The following CATSPERG variants were observed in gnomAD, a reference collection of about 807,000 sequenced individuals.
CATSPERG encodes catsper channel auxiliary subunit gamma, also known as cation channel sperm-associated auxiliary subunit gamma.
CATSPERG carries 115 observed loss-of-function variants against 145.0 expected under a neutral mutation model. That is an observed-to-expected ratio of 0.79 (90% confidence interval 0.68 to 0.93). The LOEUF is 0.93. CATSPERG is among the 40% of genes least tolerant of loss of function. The probability of loss-of-function intolerance (pLI) is 0.00; values close to 1 mark genes in which losing one functional copy is unlikely to be tolerated. For synonymous variants in CATSPERG, 588 were observed against 589.0 expected (o/e 1.00, Z 0.02); for missense variants, 1,296 against 1,490.1 (o/e 0.87, Z 2.14).
Position 38,354,865 on chromosome 19 carries a change from T to C in CATSPERG, c.1135+18T>C, listed in dbSNP as rs766191968. ...CATCAGAGGTAAGGGTGTGGGCCTC[T>C]GTCAGCCCCAGGGACCCCTCCATAC... On this transcript the variant is annotated intron_variant, in intron 9 of 28. Transcript: ENST00000409235. The C allele has an allele frequency of 6.2e-7, 1 of 1,612,248 alleles. No individual in the cohort carries two copies. Among genetic ancestry groups the C allele is most frequent in the Non-Finnish European group, 8.5e-7 (1 of 1,179,180 alleles).
chr19:38,360,546 T>TGGCAGGTGCACA lies in CATSPERG; in HGVS notation c.1667_1678dup (p.His559_Ile560insArgGlnValHis). The TGGCAGGTGCACA allele has an allele frequency of 3.1e-6, 5 of 1,614,168 alleles. No homozygotes were observed. Among genetic ancestry groups the TGGCAGGTGCACA allele is most frequent in the Non-Finnish European group, 4.2e-6 (5 of 1,180,010 alleles). ...CTACCAGCTGTTCCCTTCCAAGGGC[T>TGGCAGGTGCACA]GGCAGGTGCACATCAGCTTAAAGCT... On this transcript the variant is annotated inframe_insertion, in exon 15 of 29. Coordinates refer to ENST00000409235, the MANE Select transcript of CATSPERG (RefSeq NM_021185.5).
In CATSPERG at chr19:38,354,854, G is replaced by T. The variant is rs761866824; in HGVS notation, c.1135+7G>T. 1 of 1,613,254 alleles carries T rather than the reference G, an allele frequency of 6.2e-7. No individual in the cohort carries two copies. The highest frequency in any genetic ancestry group is 1.3e-5 in the African/African-American group (1 of 75,010). On this transcript the variant is annotated splice_region_variant and intron_variant, in intron 9 of 28. Transcript: ENST00000409235. ...CACTTCGGGACCATCAGAGGTAAGG[G>T]TGTGGGCCTCTGTCAGCCCCAGGGA...
At chr19:38,360,941 G>A (rs918195183) in intron 16 of CATSPERG, 98 bp downstream of exon 16, 171 of 1,020,212 alleles carry the variant, frequency 1.7e-4, no homozygotes, top group Non-Finnish European at 2.3e-4. Flanking sequence ...GCTAACCCCA[G>A]TGAAAACCTC....
chr19:38,367,152 C>T lies in CATSPERG; in HGVS notation c.2614-4C>T, dbSNP rs201407515. ...CCCTGTGAGCCTTTTTTCCTCCCAC[C>T]GAGGGCAACCTGATGGTGCCAGTGT... On this transcript the variant is annotated splice_polypyrimidine_tract_variant and splice_region_variant and intron_variant, in intron 22 of 28. Transcript: ENST00000409235. 56 of 1,609,822 alleles carry T rather than the reference C, an allele frequency of 3.5e-5. No individual in the cohort carries two copies. Among genetic ancestry groups the T allele is most frequent in the East Asian group, 1.6e-4 (7 of 44,846 alleles).
At chr19:38,357,535 AGCCAG>A (rs1008700179) in intron 11 of CATSPERG, among the ~76,000 whole-genome samples, 19 of 151,312 alleles carry the variant, frequency 1.3e-4, no homozygotes, top group African/African-American at 3.6e-4. Context: ...AAAAGAGCAG[AGCCAG>A]GCGTGGTGGC....
rs758939170 is a variant in CATSPERG at position 38,359,542 on chromosome 19, G to A, written c.1569G>A (p.Ser523=). 5.0e-6 allele frequency: 8 copies of A among 1,613,702 alleles called. No individual in the cohort carries two copies. Among genetic ancestry groups the A allele is most frequent in the Middle Eastern group, 1.7e-4 (1 of 6,034 alleles). ...TGTCCATCAAATACATGGCCAGATC[G>A]TTCCGTGGGGCTGTGGCTATTGTCA... ...KELSIKYMAR[S]FRGAVAIVTE... is the part of the protein sequence containing the mutation. Residue 523 remains serine, a synonymous_variant, in exon 14 of 29, where the codon TCG becomes TCA. Coordinates refer to ENST00000409235, the MANE Select transcript of CATSPERG (RefSeq NM_021185.5).
rs775716856 is a variant in CATSPERG at position 38,362,672 on chromosome 19, G to C, written c.2357-42G>C. On this transcript the variant is annotated intron_variant, in intron 19 of 28. Transcript: ENST00000409235. ...GGACACCATCGGAGGGGCGGGGCCT[G>C]TCTGTGAGGGAGGCCTTAACCCCGT... The C allele has an allele frequency of 2.9e-5, 47 of 1,605,572 alleles. No individual in the cohort carries two copies. The Admixed American group carries it at 7.5e-4, about 26-fold the overall frequency.
chr19:38,366,793 C>T (rs556642523), intron 22 of CATSPERG: 9 of 204,330 alleles, frequency 4.4e-5, no homozygotes, highest in South Asian at 1.8e-4. Context: ...CTGGTTCAAG[C>T]GATTCTCCAG....
Position 38,367,742 on chromosome 19 carries a change from G to A in CATSPERG, c.2896G>A (p.Asp966Asn). Residue 966 changes from aspartate (D) to asparagine (N), a missense_variant, in exon 25 of 29, where the codon GAC (aspartate) becomes AAC (asparagine). By Grantham distance (23) the Asp-to-Asn change is conservative. Coordinates refer to ENST00000409235, the MANE Select transcript of CATSPERG (RefSeq NM_021185.5). ...GGACAGCCTCAAGGACTACAGTGAG[G>A]ACGAAATCTACCGCTTCAACAGCCC... ...TLDSLKDYSE[D>N]EIYRFNSPLD... The A allele has an allele frequency of 6.2e-7, 1 of 1,614,116 alleles. No homozygotes were observed. The highest frequency in any genetic ancestry group is 8.5e-7 in the Non-Finnish European group (1 of 1,180,004).
intron 3 of CATSPERG, 65 bp from the exon 4 acceptor site, chr19:38,343,515 G>C: frequency 7.0e-7 from 1 of 1,432,338 alleles, no homozygotes; most frequent in South Asian, 1.4e-5. Context: ...TTAGAGGCGG[G>C]CTTAAGGCAG....
At position 38,362,838 on chromosome 19, in the gene CATSPERG, G is replaced by C; in HGVS notation, c.2475+6G>C. ...GCAACTCGGTGCTATTTTCGGTGAG[G>C]CCCCCCGGGGAGTTGGGATCAAGGG... On this transcript the variant is annotated splice_donor_region_variant and intron_variant, in intron 20 of 28. Coordinates refer to ENST00000409235, the MANE Select transcript of CATSPERG (RefSeq NM_021185.5). 6.8e-7 allele frequency: 1 copy of C among 1,476,328 alleles called. No homozygotes were observed. The highest frequency in any genetic ancestry group is 9.5e-7 in the Non-Finnish European group (1 of 1,054,556). 91.5% of individuals were successfully genotyped at this position (1,476,328 alleles called of 1,614,324 possible). A position where few individuals can be genotyped will look rare whatever the true frequency, so the allele number is the denominator to read the frequency against.
At chr19:38,336,356 GGACGGGGCGACGGGCCC>G in intron 1 of CATSPERG, 1 of 369,368 alleles carries the variant, frequency 2.7e-6, no homozygotes, top group Non-Finnish European at 5.5e-6. Context: ...CCAGAGGGCG[GGACGGGGCGACGGGCCC>G]GCGCGGGAAG....
chr19:38,344,187 G>A, intron 5 of CATSPERG, 68 bp downstream of exon 5: 1 of 1,545,548 alleles, frequency 6.5e-7, no homozygotes, highest in East Asian at 2.4e-5. Context: ...GTCCCCAGAG[G>A]AGCCAGTGGG....
In CATSPERG at chr19:38,367,306, C is replaced by T. The variant is rs201823945; in HGVS notation, c.2764C>T (p.Arg922Trp). 45 of 1,611,118 alleles carry T rather than the reference C, an allele frequency of 2.8e-5. No individual in the cohort carries two copies. The East Asian group carries it at 4.9e-4, about 18-fold the overall frequency. The change falls in exon 23 of 29, where the codon CGG becomes TGG. Residue 922 changes from arginine (R) to tryptophan (W), a missense_variant. Coordinates refer to ENST00000409235, the MANE Select transcript of CATSPERG (RefSeq NM_021185.5). ...VNPEMPCFLF[R>W]DIFYPFFLIQ... is the part of the protein sequence containing the mutation. ...CCCGGAGATGCCCTGCTTTCTCTTC[C>T]GGGACAGTGTGTGTCCAGTCCCTTC...
At chr19:38,336,891 GT>G (rs754122807) in intron 1 of CATSPERG, 100 of 427,360 alleles carry the variant, frequency 2.3e-4, no homozygotes, top group Non-Finnish European at 3.8e-4. Flanking sequence ...AGAAACATTA[GT>G]AGGGCTGGGG....
At position 38,356,757 on chromosome 19, in the gene CATSPERG, T is replaced by C; in HGVS notation, c.1211T>C (p.Ile404Thr). ...TCCCTCTCAGTTACCACCTGCTCCA[T>C]AATTTGGTCTGAATACATCGCGGGT... ...CEQIGVTTCS[I>T]IWSEYIAGEY... The change falls in exon 11 of 29, where the codon ATA (isoleucine) becomes ACA (threonine). Residue 404 changes from isoleucine (I) to threonine (T), a missense_variant. Ile to Thr is a moderately conservative substitution (Grantham distance 89). Coordinates refer to ENST00000409235, the MANE Select transcript of CATSPERG (RefSeq NM_021185.5). 3 of 1,614,130 alleles carry C rather than the reference T, an allele frequency of 1.9e-6. No homozygotes were observed. Among genetic ancestry groups the C allele is most frequent in the Non-Finnish European group, 2.5e-6 (3 of 1,180,010 alleles).
intron 8 of CATSPERG, among the ~76,000 whole-genome samples, chr19:38,353,716 A>AAAAAAAG (rs1568376689): frequency 7.2e-6 from 1 of 139,342 alleles, no homozygotes; most frequent in Non-Finnish European, 1.5e-5. Flanking sequence ...AAAAAAAAAG[A>AAAAAAAG]AAAAGGCCAG....
intron 16 of CATSPERG, among the ~76,000 whole-genome samples, chr19:38,361,049 G>A (rs1053825324): frequency 6.6e-6 from 1 of 152,194 alleles, no homozygotes; most frequent in Non-Finnish European, 1.5e-5. Flanking sequence ...CAAGGAGGAG[G>A]AGGTGTATGC....
intron 11 of CATSPERG, 56 bp downstream of exon 11, chr19:38,356,917 A>T (rs1468281329): frequency 6.9e-6 from 11 of 1,599,966 alleles, no homozygotes; most frequent in Non-Finnish European, 9.4e-6. Context: ...CAGACTGTGG[A>T]CTGCATGCCC....
Sources: gnomAD v4.1 joint callset for allele counts (sites outside exome capture counted in the v4.1 genomes callset) on GRCh38, gnomAD v4.1.1 for gene constraint, MANE v1.5 for transcripts, NCBI Gene and HGNC (gene_info 2026-07-23, HGNC 2026-07-21) for gene names.